Variants in UGT2B7 observed in about 807,000 individuals in gnomAD.
UGT2B7 encodes UDP-glucuronosyltransferase 2B7.
A neutral mutation model predicts 51.9 loss-of-function variants in UGT2B7; 51 were observed. That is an observed-to-expected ratio of 0.98 (90% CI 0.78 to 1.24). UGT2B7 has a LOEUF of 1.24. UGT2B7 is among the 50% of genes most tolerant of loss of function. UGT2B7 has a pLI of 0.00. For synonymous variants in UGT2B7, 225 were observed against 211.6 expected (o/e 1.06, Z -0.55); for missense variants, 727 against 628.4 (o/e 1.16, Z -1.68).
Position 69,097,003 on chromosome 4 carries a change from T to C in UGT2B7, c.483T>C (p.Ala161=). The part of the protein sequence containing the change: ...DAIFPCSELL[A]ELFNIPFVYS... ...TTTTTCCCTGTAGTGAGCTGCTGGCTGAGCTATTTAACATACCCTTTGTGT... is the reference window on the plus strand; with the variant it reads ...TTTTTCCCTGTAGTGAGCTGCTGGCCGAGCTATTTAACATACCCTTTGTGT... Residue 161 remains alanine (A), a synonymous_variant, in exon 1 of 6, where the codon GCT becomes GCC. Coordinates refer to ENST00000305231, the MANE Select transcript of UGT2B7 (RefSeq NM_001074.4). The C allele has an allele frequency of 6.2e-7, 1 of 1,613,868 alleles. No homozygotes were observed. The highest frequency in any genetic ancestry group is 8.5e-7 in the Non-Finnish European group (1 of 1,179,798).
chr4:69,055,350 A>T (rs1002438422), intron 1 of UGT2B7, among the ~76,000 whole-genome samples: 5 of 150,866 alleles, frequency 3.3e-5, no homozygotes, highest in African/African-American at 1.2e-4. Context: ...GACTCCAAAA[A>T]AAAAAAAAGG....
At chr4:69,065,804 G>T (rs931002604) in intron 1 of UGT2B7, among the ~76,000 whole-genome samples, 6 of 152,116 alleles carry the variant, frequency 3.9e-5, no homozygotes, top group African/African-American at 1.4e-4. Context: ...TTTGTGAGAT[G>T]AATGTGTATG....
chr4:69,109,171 C>G (rs902020557), intron 5 of UGT2B7, among the ~76,000 whole-genome samples: 2 of 151,912 alleles, frequency 1.3e-5, no homozygotes, highest in African/African-American at 4.8e-5. Context: ...GTTCATTGGC[C>G]TTTTGATTGT....
At chr4:69,089,435 T>C (rs968784604) in intron 1 of UGT2B7, 1 of 152,242 alleles carries the variant, frequency 6.6e-6, no homozygotes, top group Non-Finnish European at 1.5e-5. Context: ...CTACATGATA[T>C]TGCATCTTTA....
chr4:69,053,698 G>A (rs1560496130), intron 1 of UGT2B7, among the ~76,000 whole-genome samples: 1 of 152,152 alleles, frequency 6.6e-6, no homozygotes, highest in Non-Finnish European at 1.5e-5. Flanking sequence ...TCACAGCAGG[G>A]AGGAGACAGC....
At chr4:69,107,816 C>T (rs1719649133) in intron 4 of UGT2B7, among the ~76,000 whole-genome samples, 1 of 152,068 alleles carries the variant, frequency 6.6e-6, no homozygotes. Flanking sequence ...TCACTTCATG[C>T]CTATCTCTTT....
intron 1 of UGT2B7, among the ~76,000 whole-genome samples, chr4:69,053,053 GT>G (rs1021632200): frequency 1.4e-4 from 21 of 151,796 alleles, no homozygotes; most frequent in African/African-American, 4.8e-5. Flanking sequence ...AATGCAACAG[GT>G]TTTTTTTCTT....
Position 69,112,779 on chromosome 4 carries a change from T to A in UGT2B7, c.*43T>A. 3 of 1,583,884 alleles carry A rather than the reference T, an allele frequency of 1.9e-6. No homozygotes were observed. Among genetic ancestry groups the A allele is most frequent in the Non-Finnish European group, 2.6e-6 (3 of 1,167,220 alleles). On this transcript the variant is annotated 3_prime_UTR_variant, in exon 6 of 6. Coordinates refer to ENST00000305231, the MANE Select transcript of UGT2B7 (RefSeq NM_001074.4). ...AGCTGGAAAACCTGATAGGTGAGAC[T>A]ACTTCAGTTTATTCCAGCAAGAAAG...
At chr4:69,103,065 T>G in intron 3 of UGT2B7, 127 bp downstream of exon 3, 1 of 1,485,412 alleles carries the variant, frequency 6.7e-7, no homozygotes, top group South Asian at 1.4e-5. Flanking sequence ...AGAACAAGGA[T>G]AATCTTGGAG....
chr4:69,062,899 C>G (rs971534731), intron 1 of UGT2B7, among the ~76,000 whole-genome samples: 16 of 152,280 alleles, frequency 1.1e-4, no homozygotes, highest in African/African-American at 3.8e-4. Flanking sequence ...TATTGTTTAA[C>G]CAACCCCCTA....
intron 2 of UGT2B7, 67 bp from the exon 3 acceptor site, chr4:69,102,740 C>T (rs1719457851): frequency 9.6e-6 from 15 of 1,565,076 alleles, no homozygotes; most frequent in Non-Finnish European, 1.3e-5. Context: ...GTAATTTGCA[C>T]CAATTCTTTT....
chr4:69,081,724 C>G (rs1332357265), intron 1 of UGT2B7, among the ~76,000 whole-genome samples: 1 of 152,080 alleles, frequency 6.6e-6, no homozygotes, highest in East Asian at 1.9e-4. Context: ...ATCTGTCACA[C>G]CAGCTTTTTC....
At chr4:69,057,318 C>A (rs1309136427) in intron 1 of UGT2B7, among the ~76,000 whole-genome samples, 1 of 152,094 alleles carries the variant, frequency 6.6e-6, no homozygotes, top group African/African-American at 2.4e-5. Context: ...AGAAGTTTTG[C>A]CTGTGGCTTG....
At chr4:69,053,789 G>A (rs930896487) in intron 1 of UGT2B7, among the ~76,000 whole-genome samples, 4 of 152,106 alleles carry the variant, frequency 2.6e-5, no homozygotes, top group Non-Finnish European at 4.4e-5. Flanking sequence ...GTTCATCCCC[G>A]AGCAGATGTG....
chr4:69,112,549 T>C lies in UGT2B7; in HGVS notation c.1403T>C (p.Met468Thr), dbSNP rs760673582. 2 of 1,613,972 alleles carry C rather than the reference T, an allele frequency of 1.2e-6. No individual in the cohort carries two copies. Among genetic ancestry groups the C allele is most frequent in the Middle Eastern group, 1.7e-4 (1 of 6,056 alleles). The change falls in exon 6 of 6, where the codon ATG becomes ACG. Residue 468 changes from methionine (M) to threonine (T), a missense_variant. Coordinates refer to ENST00000305231, the MANE Select transcript of UGT2B7 (RefSeq NM_001074.4). ...GCAGTCTTCTGGATTGAATTTGTCA[T>C]GCGCCACAAAGGAGCTAAACACCTT... ...DRAVFWIEFV[M>T]RHKGAKHLRV... is the part of the protein sequence containing the mutation.
At chr4:69,104,457 A>T (rs2109890446) in intron 3 of UGT2B7, among the ~76,000 whole-genome samples, 1 of 152,242 alleles carries the variant, frequency 6.6e-6, no homozygotes, top group South Asian at 2.1e-4. Context: ...TTAAAAATAA[A>T]CTTTATGGAT....
upstream of UGT2B7, chr4:69,096,451 CT>C (rs1577920640): frequency 6.3e-7 from 1 of 1,595,514 alleles, no homozygotes; most frequent in Non-Finnish European, 8.5e-7. Flanking sequence ...GCTAATTTAT[CT>C]TTGGACATAA....
chr4:69,112,818 A>T lies in UGT2B7; in HGVS notation c.*82A>T. 1 of 1,313,930 alleles carries T rather than the reference A, an allele frequency of 7.6e-7. No individual in the cohort carries two copies. The highest frequency in any genetic ancestry group is 1.0e-6 in the Non-Finnish European group (1 of 989,620). 81.4% of individuals were successfully genotyped at this position (1,313,930 alleles called of 1,614,324 possible). A position where few individuals can be genotyped will look rare whatever the true frequency, so the allele number is the denominator to read the frequency against. ...CCAGCAAGAAAGATTGTGATGCAAG[A>T]TTTCTTTCTTCCTGAGACAAAAAAA... On this transcript the variant is annotated 3_prime_UTR_variant, in exon 6 of 6. Coordinates refer to ENST00000305231, the MANE Select transcript of UGT2B7 (RefSeq NM_001074.4).
chr4:69,077,736 T>G (rs1173022612), intron 1 of UGT2B7, among the ~76,000 whole-genome samples: 1 of 152,176 alleles, frequency 6.6e-6, no homozygotes, highest in Non-Finnish European at 1.5e-5. Flanking sequence ...AGAGACAATT[T>G]GACTTCCTCT....
Sources: allele counts gnomAD v4.1 joint callset (sites outside exome capture counted in the v4.1 genomes callset), GRCh38; gene constraint gnomAD v4.1.1; transcripts MANE v1.5; gene names NCBI Gene and HGNC (gene_info 2026-07-23, HGNC 2026-07-21).